PACSIN1: variants seen among roughly 807,000 people sequenced by gnomAD.
PACSIN1 encodes protein kinase C and casein kinase substrate in neurons 1.
In PACSIN1, 15 loss-of-function variants were observed where a neutral mutation model predicts 59.5. The observed-to-expected ratio is 0.25, with a 90% confidence interval of 0.17 to 0.39. The LOEUF is 0.39. Among genes scored for constraint, PACSIN1 ranks in the 10% least tolerant of loss-of-function variants. The pLI is 1.00. For missense variants in PACSIN1, 420 were observed against 580.2 expected, an observed-to-expected ratio of 0.72 and a Z score of 2.84; for synonymous variants, 210 against 220.6, an observed-to-expected ratio of 0.95 and a Z score of 0.42.
intron 1 of PACSIN1, among the ~76,000 whole-genome samples, chr6:34,505,155 C>T (rs1032116670): frequency 6.6e-6 from 1 of 152,068 alleles, no homozygotes; most frequent in African/African-American, 2.4e-5. Flanking sequence ...CCACCACACC[C>T]AGCTGATTTA....
At chr6:34,472,676 G>A (rs1766588322) in intron 1 of PACSIN1, among the ~76,000 whole-genome samples, 1 of 152,090 alleles carries the variant, frequency 6.6e-6, no homozygotes, top group African/African-American at 2.4e-5. Context: ...TTCCTAACTG[G>A]TCCCCTCATG....
At position 34,532,321 on chromosome 6, in the gene PACSIN1, A is replaced by C; in HGVS notation, c.1226-100A>C. The C allele has an allele frequency of 1.3e-6, 1 of 751,276 alleles. No individual in the cohort carries two copies. Among genetic ancestry groups the C allele is most frequent in the Middle Eastern group, 3.5e-4 (1 of 2,886 alleles). 46.5% of individuals were successfully genotyped at this position (751,276 alleles called of 1,614,324 possible). A position where few individuals can be genotyped will look rare whatever the true frequency, so the allele number is the denominator to read the frequency against. On this transcript the variant is annotated intron_variant, in intron 9 of 9. Transcript: ENST00000244458. The surrounding 1 kb of genome is among the most constrained non-coding windows in gnomAD (Gnocchi z 5.2). ...GGCCTAAGAATCTAAAACCCAGTGC[A>C]GTAATCAGGAGGTGGGTATTGGAGG...
At chr6:34,472,818 T>G (rs976091877) in intron 1 of PACSIN1, among the ~76,000 whole-genome samples, 9 of 152,158 alleles carry the variant, frequency 5.9e-5, no homozygotes, top group Non-Finnish European at 1.2e-4. Flanking sequence ...GTGGGGTATC[T>G]GGCAAAGTGG....
At chr6:34,508,296 G>A (rs1394641082) in intron 1 of PACSIN1, among the ~76,000 whole-genome samples, 1 of 152,068 alleles carries the variant, frequency 6.6e-6, no homozygotes, top group African/African-American at 2.4e-5. Flanking sequence ...GTAGAGATGG[G>A]GTTTCACCAT....
At position 34,527,476 on chromosome 6, in the gene PACSIN1, C is replaced by A. The variant is rs866822764; in HGVS notation, c.208C>A (p.Leu70Ile). 33 of 1,592,402 alleles carry A rather than the reference C, an allele frequency of 2.1e-5. No homozygotes were observed. In the South Asian group the frequency reaches 3.7e-4, roughly 18 times the overall value. Residue 70 changes from leucine (L) to isoleucine (I), a missense_variant, in exon 3 of 10, where the codon CTC (leucine) becomes ATC (isoleucine). Leu to Ile is a conservative substitution (Grantham distance 5). Coordinates refer to ENST00000244458, the MANE Select transcript of PACSIN1 (RefSeq NM_020804.5). ...CGACTGGGCCAAGCGTTGGCGCCAGCTCATCGAGAAAGGTGCTCCCCCAGG... is the reference window on the plus strand; with the variant it reads ...CGACTGGGCCAAGCGTTGGCGCCAGATCATCGAGAAAGGTGCTCCCCCAGG... ...LTDWAKRWRQ[L>I]IEKGPQYGSL...
chr6:34,511,355 A>G (rs1767199905), intron 1 of PACSIN1, among the ~76,000 whole-genome samples: 1 of 152,038 alleles, frequency 6.6e-6, no homozygotes, highest in African/African-American at 2.4e-5. Context: ...TGGGACCTGA[A>G]ATGCCACATT....
rs1304513433 is a variant in PACSIN1 at position 34,532,164 on chromosome 6, T to C, written c.1226-257T>C. On this transcript the variant is annotated intron_variant, in intron 9 of 9. Coordinates refer to ENST00000244458, the MANE Select transcript of PACSIN1 (RefSeq NM_020804.5). The surrounding 1 kb of genome is among the most constrained non-coding windows in gnomAD (Gnocchi z 5.2). ...GCGGAGTCAGAACCTGAGAATAGTG[T>C]GGATGCGAGGTCTGGTTTTGGGGAC... 6.6e-6 allele frequency among the ~76,000 whole-genome samples: 1 copy of C among 152,008 alleles called. No individual in the cohort carries two copies. The highest frequency in any genetic ancestry group is 2.4e-5 in the African/African-American group (1 of 41,386).
chr6:34,487,929 T>C (rs1405329967), intron 1 of PACSIN1, among the ~76,000 whole-genome samples: 1 of 152,158 alleles, frequency 6.6e-6, no homozygotes, highest in Non-Finnish European at 1.5e-5. Flanking sequence ...TGAGCCCTTA[T>C]AATAATTCAT....
chr6:34,474,383 C>T (rs927391205), intron 1 of PACSIN1, among the ~76,000 whole-genome samples: 2 of 152,286 alleles, frequency 1.3e-5, no homozygotes, highest in African/African-American at 4.8e-5. Context: ...ACCTGGTCTT[C>T]CTGCCCCGTC....
intron 1 of PACSIN1, among the ~76,000 whole-genome samples, chr6:34,470,084 C>T (rs1449216523): frequency 2.6e-5 from 4 of 152,154 alleles, no homozygotes; most frequent in Non-Finnish European, 5.9e-5. Context: ...CTCCCCTCCA[C>T]CCTCCCCTGG....
At chr6:34,508,526 C>T (rs1767150821) in intron 1 of PACSIN1, among the ~76,000 whole-genome samples, 1 of 152,184 alleles carries the variant, frequency 6.6e-6, no homozygotes, top group African/African-American at 2.4e-5. Context: ...CTCTGCCATC[C>T]AAAGTGCTGG....
At chr6:34,528,189 G>A (rs1191903430) in intron 3 of PACSIN1, among the ~76,000 whole-genome samples, 2 of 152,238 alleles carry the variant, frequency 1.3e-5, no homozygotes, top group African/African-American at 2.4e-5. Flanking sequence ...GCTGGTGCCA[G>A]TACACAAACA....
Position 34,532,290 on chromosome 6 carries a change from G to A in PACSIN1, c.1226-131G>A, listed in dbSNP as rs1204344418. 3 of 647,760 alleles carry A rather than the reference G, an allele frequency of 4.6e-6. No homozygotes were observed. Among genetic ancestry groups the A allele is most frequent in the African/African-American group, 3.7e-5 (2 of 54,340 alleles). 40.1% of individuals were successfully genotyped at this position (647,760 alleles called of 1,614,324 possible). A position where few individuals can be genotyped will look rare whatever the true frequency, so the allele number is the denominator to read the frequency against. ...GCGTGGGACTGGGGCTGGTTTCCAG[G>A]GGCGGGGCCTAAGAATCTAAAACCC... On this transcript the variant is annotated intron_variant, in intron 9 of 9. Transcript: ENST00000244458. This position sits in a 1 kb window ranked among gnomAD's most constrained non-coding sequence, Gnocchi z 5.2.
In PACSIN1 at chr6:34,530,316, C is replaced by T; in HGVS notation, c.862C>T (p.Arg288Cys). 1.2e-6 allele frequency: 2 copies of T among 1,614,090 alleles called. No homozygotes were observed. The highest frequency in any genetic ancestry group is 1.7e-6 in the Non-Finnish European group (2 of 1,180,004). Reference protein sequence around the residue: ...ADAQEDLRWFRSTSGPGMPMN... With the variant: ...ADAQEDLRWFCSTSGPGMPMN... ...TGCCCAGGAAGACCTCAGATGGTTC[C>T]GCAGCACCAGTGGCCCCGGCATGCC... The change falls in exon 7 of 10, where the codon CGC (arginine) becomes TGC (cysteine). Residue 288 changes from arginine to cysteine, a missense_variant. Physicochemically the swap from Arg to Cys is radical, Grantham distance 180. Transcript: ENST00000244458. The surrounding 1 kb of genome is among the most constrained non-coding windows in gnomAD (Gnocchi z 4.4).
rs766592404 is a variant in PACSIN1 at position 34,531,644 on chromosome 6, CAG to C, written c.1084_1085del (p.Asp362ArgfsTer11). On this transcript the variant is annotated frameshift_variant, in exon 9 of 10. Transcript: ENST00000244458. LOFTEE classifies it high-confidence loss of function. The surrounding 1 kb of genome is among the most constrained non-coding windows in gnomAD (Gnocchi z 4.4). ...GGCCAGCCCTACGCCACCGAGTGGTCAGACGACGAGAGTGGGAACCCCTTTGG... is the reference window on the plus strand; with the variant it reads ...GGCCAGCCCTACGCCACCGAGTGGTCACGACGAGAGTGGGAACCCCTTTGG... 1 of 1,613,968 alleles carries C rather than the reference CAG, an allele frequency of 6.2e-7. No homozygotes were observed. The highest frequency in any genetic ancestry group is 1.1e-5 in the South Asian group (1 of 91,048).
chr6:34,524,675 G>A (rs1561969703), intron 1 of PACSIN1, among the ~76,000 whole-genome samples: 2 of 152,240 alleles, frequency 1.3e-5, no homozygotes. Flanking sequence ...GCGTTTACAA[G>A]TAGTACTGTA....
chr6:34,532,320 C>A lies in PACSIN1; in HGVS notation c.1226-101C>A. 1.3e-6 allele frequency: 1 copy of A among 750,644 alleles called. No homozygotes were observed. Among genetic ancestry groups the A allele is most frequent in the South Asian group, 1.7e-5 (1 of 60,388 alleles). 46.5% of individuals were successfully genotyped at this position (750,644 alleles called of 1,614,324 possible). On this transcript the variant is annotated intron_variant, in intron 9 of 9. Transcript: ENST00000244458. This position sits in a 1 kb window ranked among gnomAD's most constrained non-coding sequence, Gnocchi z 5.2. ...GGGCCTAAGAATCTAAAACCCAGTGCAGTAATCAGGAGGTGGGTATTGGAG... is the reference window on the plus strand; with the variant it reads ...GGGCCTAAGAATCTAAAACCCAGTGAAGTAATCAGGAGGTGGGTATTGGAG...
At chr6:34,504,230 C>A (rs4713805) in intron 1 of PACSIN1, among the ~76,000 whole-genome samples, 51,696 of 147,770 alleles carry the variant, frequency 0.35, 10,833 homozygotes, top group Middle Eastern at 0.52. Context: ...TTTTGAGAAG[C>A]ACATCAGACA....
At chr6:34,473,225 G>A (rs1276073120) in intron 1 of PACSIN1, among the ~76,000 whole-genome samples, 7 of 124,738 alleles carry the variant, frequency 5.6e-5, no homozygotes, top group African/African-American at 1.5e-4. Flanking sequence ...GAGACGGGGC[G>A]GGGGGCGGGG....
Sources: gnomAD v4.1 joint callset for allele counts (sites outside exome capture counted in the v4.1 genomes callset) on GRCh38, gnomAD v4.1.1 for gene constraint, Gnocchi (gnomAD v3.1) non-coding constraint, MANE v1.5 for transcripts, NCBI Gene and HGNC (gene_info 2026-07-23, HGNC 2026-07-21) for gene names.